Variants in BTBD9 observed in about 807,000 individuals in gnomAD.
BTBD9 encodes BTB domain containing 9.
A neutral mutation model predicts 64.3 loss-of-function variants in BTBD9; 49 were observed. The observed-to-expected ratio is 0.76, with a 90% CI of 0.61 to 0.97. BTBD9 has a LOEUF of 0.97. Ranked by LOEUF, BTBD9 falls within the 50% of genes least tolerant of loss-of-function variation. The probability of loss-of-function intolerance (pLI) is 0.00; values close to 1 mark genes in which losing one functional copy is unlikely to be tolerated. For missense variants in BTBD9, 598 were observed against 762.1 expected (o/e 0.78, Z 2.53); for synonymous variants, 260 against 274.7 (o/e 0.95, Z 0.53).
chr6:38,453,737 C>T (rs543602229), intron 6 of BTBD9, among the ~76,000 whole-genome samples: 34 of 152,222 alleles, frequency 2.2e-4, no homozygotes, highest in African/African-American at 8.0e-4. Flanking sequence ...ATCAAATGTC[C>T]CTCTGCCTAT....
intron 6 of BTBD9, among the ~76,000 whole-genome samples, chr6:38,521,952 G>T (rs1295136549): frequency 2.0e-5 from 3 of 152,116 alleles, no homozygotes; most frequent in Non-Finnish European, 2.9e-5. Context: ...TAGGGTTAGA[G>T]GTGTGAGCTA....
chr6:38,582,942 T>C (rs1039941249), intron 4 of BTBD9, among the ~76,000 whole-genome samples: 4 of 152,206 alleles, frequency 2.6e-5, no homozygotes, highest in African/African-American at 9.6e-5. Flanking sequence ...CCAGGCACCA[T>C]GCAAGGTATC....
At chr6:38,273,143 C>A (rs911359824) in intron 8 of BTBD9, among the ~76,000 whole-genome samples, 1 of 152,212 alleles carries the variant, frequency 6.6e-6, no homozygotes, top group African/African-American at 2.4e-5. Flanking sequence ...CAGCTTCAAA[C>A]CAAAGCAAGC....
At chr6:38,581,335 T>C (rs1776276514) in intron 4 of BTBD9, among the ~76,000 whole-genome samples, 1 of 152,198 alleles carries the variant, frequency 6.6e-6, no homozygotes, top group South Asian at 2.1e-4. Flanking sequence ...CAATATAGCA[T>C]AGCTGTTAGT....
At chr6:38,367,799 C>CAAAAAAAAAAAAAAAAAAA (rs575025737) in intron 6 of BTBD9, among the ~76,000 whole-genome samples, 1 of 84,336 alleles carries the variant, frequency 1.2e-5, no homozygotes, top group African/African-American at 4.4e-5. Flanking sequence ...CCAGAAATGG[C>CAAAAAAAAAAAAAAAAAAA]AAAAAAAAAA....
Position 38,173,497 on chromosome 6 carries a change from G to A in BTBD9, c.*1488C>T, listed in dbSNP as rs1005182124. 3.3e-5 allele frequency: 5 copies of A among 152,280 alleles called. No homozygotes were observed. The highest frequency in any genetic ancestry group is 4.8e-5 in the African/African-American group (2 of 41,458). 9.4% of individuals were successfully genotyped at this position (152,280 alleles called of 1,614,324 possible). On this transcript the variant is annotated 3_prime_UTR_variant, in exon 11 of 11. Coordinates refer to ENST00000481247, the MANE Select transcript of BTBD9 (RefSeq NM_001099272.2). ...CTGCCATCCTGTGTTCACACGGAAAGACAGTCTTCCAATTTAATCACGCAG... is the reference window on the plus strand; with the variant it reads ...CTGCCATCCTGTGTTCACACGGAAAAACAGTCTTCCAATTTAATCACGCAG...
chr6:38,508,734 C>T (rs557600881), intron 6 of BTBD9, among the ~76,000 whole-genome samples: 6 of 152,264 alleles, frequency 3.9e-5, no homozygotes, highest in Admixed American at 6.5e-5. Context: ...TGCTTGCCTC[C>T]GCTTCTATGT....
chr6:38,575,710 A>T (rs527953002), intron 6 of BTBD9, among the ~76,000 whole-genome samples: 8 of 152,312 alleles, frequency 5.3e-5, no homozygotes, highest in South Asian at 2.1e-4. Flanking sequence ...TATAATTTTT[A>T]AAAAATTCTT....
chr6:38,505,267 A>C (rs1347916039), intron 6 of BTBD9, among the ~76,000 whole-genome samples: 1 of 152,208 alleles, frequency 6.6e-6, no homozygotes, highest in African/African-American at 2.4e-5. Flanking sequence ...TCTATAGACC[A>C]AATCTCTCCT....
intron 6 of BTBD9, among the ~76,000 whole-genome samples, chr6:38,432,730 G>A (rs1289769560): frequency 6.6e-6 from 1 of 151,856 alleles, no homozygotes; most frequent in Non-Finnish European, 1.5e-5. Flanking sequence ...TCCCCACCTA[G>A]AGGCAGATTC....
Position 38,288,280 on chromosome 6 carries a change from C to T in BTBD9, c.1446G>A (p.Gly482=). Residue 482 remains glycine (G), a synonymous_variant, in exon 8 of 11, where the codon GGG becomes GGA. Transcript: ENST00000481247. ...VVQLAQPYMI[G]SIRLLLWDCD... ...AGGAGGAATCTTCTTACCGTATTGA[C>T]CCAATCATGTACGGTTGTGCCAACT... 1.6e-5 allele frequency: 26 copies of T among 1,613,644 alleles called. No individual in the cohort carries two copies. Among genetic ancestry groups the T allele is most frequent in the Non-Finnish European group, 2.2e-5 (26 of 1,179,628 alleles).
chr6:38,512,372 G>T (rs781235900), intron 6 of BTBD9, among the ~76,000 whole-genome samples: 1 of 152,186 alleles, frequency 6.6e-6, no homozygotes, highest in Admixed American at 6.5e-5. Flanking sequence ...CCCATATGGT[G>T]ACTATTAATT....
intron 9 of BTBD9, among the ~76,000 whole-genome samples, chr6:38,256,110 G>C (rs73730918): frequency 1.3e-5 from 2 of 151,508 alleles, no homozygotes; most frequent in African/African-American, 2.4e-5. Context: ...ATGGCGGGGT[G>C]GGGGGTCTGA....
At chr6:38,569,089 T>C (rs980149891) in intron 6 of BTBD9, among the ~76,000 whole-genome samples, 11 of 152,218 alleles carry the variant, frequency 7.2e-5, no homozygotes, top group Non-Finnish European at 1.5e-4. Flanking sequence ...AATGATGCTA[T>C]AGAAGCAGAA....
At chr6:38,221,767 C>T (rs1048003164) in intron 9 of BTBD9, among the ~76,000 whole-genome samples, 1 of 152,078 alleles carries the variant, frequency 6.6e-6, no homozygotes, top group South Asian at 2.1e-4. Context: ...CCGAGGCAGG[C>T]GAATCACAAG....
At chr6:38,210,525 A>G (rs1762792254) in intron 9 of BTBD9, among the ~76,000 whole-genome samples, 1 of 125,264 alleles carries the variant, frequency 8.0e-6, no homozygotes, top group Admixed American at 8.9e-5. Context: ...GTGGTGGGAG[A>G]GTGCGTGTGT....
At chr6:38,355,057 C>T (rs1764665232) in intron 6 of BTBD9, among the ~76,000 whole-genome samples, 1 of 152,166 alleles carries the variant, frequency 6.6e-6, no homozygotes, top group Non-Finnish European at 1.5e-5. Flanking sequence ...GAAGCCTATA[C>T]TCCAGTTTCC....
At chr6:38,365,835 G>T (rs1056967852) in intron 6 of BTBD9, among the ~76,000 whole-genome samples, 1 of 151,782 alleles carries the variant, frequency 6.6e-6, no homozygotes, top group Non-Finnish European at 1.5e-5. Context: ...TTTCTGCATG[G>T]TCCACAATAA....
At chr6:38,446,795 T>G (rs764225467) in intron 6 of BTBD9, among the ~76,000 whole-genome samples, 2 of 152,164 alleles carry the variant, frequency 1.3e-5, no homozygotes, top group Non-Finnish European at 2.9e-5. Context: ...TGAACCCAGT[T>G]TGTTGGACGT....
Sources: gnomAD v4.1 joint callset for allele counts (sites outside exome capture counted in the v4.1 genomes callset) on GRCh38, gnomAD v4.1.1 for gene constraint, MANE v1.5 for transcripts, NCBI Gene and HGNC (gene_info 2026-07-23, HGNC 2026-07-21) for gene names.